Variants in MPZL3 observed in about 807,000 individuals in gnomAD.
MPZL3 encodes the protein myelin protein zero like 3.
In MPZL3, 23 loss-of-function variants were observed where a neutral mutation model predicts 24.8. That is an observed-to-expected ratio of 0.93 (90% CI 0.67 to 1.31). MPZL3 has a LOEUF of 1.31. Ranked by LOEUF, MPZL3 falls within the 40% of genes most tolerant of loss-of-function variation. MPZL3 has a pLI of 0.00. For synonymous variants in MPZL3, 99 were observed against 106.5 expected (o/e 0.93, Z 0.44); for missense variants, 277 against 294.9 (o/e 0.94, Z 0.44).
At chr11:118,247,469 G>A (rs998129166) in intron 1 of MPZL3, among the ~76,000 whole-genome samples, 10 of 152,282 alleles carry the variant, frequency 6.6e-5, no homozygotes, top group African/African-American at 2.2e-4. Context: ...AGTCCCTAAT[G>A]CTGACATAGG....
At chr11:118,236,666 G>C (rs1410887447) in intron 3 of MPZL3, among the ~76,000 whole-genome samples, 1 of 152,112 alleles carries the variant, frequency 6.6e-6, no homozygotes, top group African/African-American at 2.4e-5. Flanking sequence ...TCAAGACACA[G>C]GCAAGAACAC....
intron 1 of MPZL3, among the ~76,000 whole-genome samples, chr11:118,243,350 A>G (rs1481798790): frequency 6.6e-6 from 1 of 152,210 alleles, no homozygotes; most frequent in Non-Finnish European, 1.5e-5. Context: ...GCCCAGGCAC[A>G]CACATTCCTG....
rs764778824 is a variant in MPZL3, at chr11:118,238,303, T to G, written c.241-1043A>C. 1.1e-3 allele frequency among the ~76,000 whole-genome samples: 166 copies of G among 152,194 alleles called. 1 individual carries two copies. Among genetic ancestry groups the G allele is most frequent in the Non-Finnish European group, 1.6e-3 (109 of 68,036 alleles). On this transcript the variant is annotated intron_variant, in intron 2 of 5. Transcript: ENST00000278949. ...TCAGCCTCTCTCAAGTTATCTATCT[T>G]GACAATTAATATAATCCCTAAGTCT...
chr11:118,234,433 A>T (rs1347647914), intron 4 of MPZL3, among the ~76,000 whole-genome samples: 1 of 152,152 alleles, frequency 6.6e-6, no homozygotes, highest in African/African-American at 2.4e-5. Context: ...GGCAAACAAG[A>T]GAAGGAAAGA....
At chr11:118,238,646 G>A (rs995324408) in intron 2 of MPZL3, among the ~76,000 whole-genome samples, 4 of 152,196 alleles carry the variant, frequency 2.6e-5, no homozygotes, top group African/African-American at 9.7e-5. Context: ...CAGAAAAGAT[G>A]CTGACTCACT....
chr11:118,233,480 C>T lies in MPZL3; in HGVS notation c.661G>A (p.Val221Ile). 1 of 1,613,874 alleles carries T rather than the reference C, an allele frequency of 6.2e-7. No homozygotes were observed. Among genetic ancestry groups the T allele is most frequent in the Non-Finnish European group, 8.5e-7 (1 of 1,179,886 alleles). The change falls in exon 5 of 6, where the codon GTC becomes ATC. Residue 221 changes from valine (V) to isoleucine (I), a missense_variant. Transcript: ENST00000278949. Reference protein sequence around the residue: ...EEEACMARLCVRCAECLDSDY... With the variant: ...EEEACMARLCIRCAECLDSDY... ...CTTACCAGGCACTCAGCGCAACGGACACAAAGCCTCGCCATACACGCCTCT... is the reference window on the plus strand; with the variant it reads ...CTTACCAGGCACTCAGCGCAACGGATACAAAGCCTCGCCATACACGCCTCT...
intron 1 of MPZL3, among the ~76,000 whole-genome samples, chr11:118,245,196 C>T (rs1019654861): frequency 6.6e-6 from 1 of 151,864 alleles, no homozygotes. Context: ...GTCAGGAGTT[C>T]GAGACCAGCC....
intron 2 of MPZL3, among the ~76,000 whole-genome samples, chr11:118,237,956 G>C (rs1254922176): frequency 6.6e-6 from 1 of 152,072 alleles, no homozygotes. Context: ...GGCCAACATA[G>C]TGAAACCCCA....
At chr11:118,240,034 G>T (rs1949472952) in intron 2 of MPZL3, among the ~76,000 whole-genome samples, 177 bp downstream of exon 2, 1 of 152,102 alleles carries the variant, frequency 6.6e-6, no homozygotes, top group South Asian at 2.1e-4. Context: ...GAATTCTTAC[G>T]TGGGGCCCTG....
rs1179674517 is a variant in MPZL3, at chr11:118,235,452, T to G, written c.589A>C (p.Lys197Gln). 6.2e-7 allele frequency: 1 copy of G among 1,613,740 alleles called. No individual in the cohort carries two copies. The highest frequency in any genetic ancestry group is 8.5e-7 in the Non-Finnish European group (1 of 1,179,878). Residue 197 changes from lysine (K) to glutamine (Q), a missense_variant, in exon 4 of 6, where the codon AAG becomes CAG. Coordinates refer to ENST00000278949, the MANE Select transcript of MPZL3 (RefSeq NM_198275.3). ...GLKKRSRSGY[K>Q]KSSIEVSDDT... ...TCGGAAACCTCAATAGATGACTTCT[T>G]ATAGCCAGACCTGCTCCTCTTCTTC... is the stretch of plus-strand genomic sequence containing the variant.
At chr11:118,237,770 C>T (rs1949445546) in intron 2 of MPZL3, among the ~76,000 whole-genome samples, 1 of 152,032 alleles carries the variant, frequency 6.6e-6, no homozygotes, top group South Asian at 2.1e-4. Context: ...AAATAATTTC[C>T]ACACATTTAC....
At chr11:118,248,068 CTCT>C (rs1433817694) in intron 1 of MPZL3, among the ~76,000 whole-genome samples, 1 of 104,052 alleles carries the variant, frequency 9.6e-6, no homozygotes, top group Admixed American at 1.0e-4. Context: ...CAACAGTTTC[CTCT>C]TTTTTTTTTT....
At chr11:118,248,292 G>A (rs2134717432) in intron 1 of MPZL3, among the ~76,000 whole-genome samples, 2 of 152,110 alleles carry the variant, frequency 1.3e-5, no homozygotes, top group Admixed American at 1.3e-4. Context: ...GGGATTACAG[G>A]CGTGAGCCAC....
Position 118,240,234 on chromosome 11 carries a change from G to C in MPZL3, c.217C>G (p.Pro73Ala). The stretch of plus-strand genomic sequence containing the variant: ...ACTGATACTGTGTGGCTGCTGCTGG[G>C]AGGGCGATATGTCCAGTCTATAGTA... The part of the protein sequence containing the change: ...KLTIDWTYRP[P>A]SSSHTVSIFH... The change falls in exon 2 of 6, where the codon CCC becomes GCC. Residue 73 changes from proline to alanine, a missense_variant. By Grantham distance (27) the Pro-to-Ala change is conservative. Transcript: ENST00000278949. 6.4e-7 allele frequency: 1 copy of C among 1,569,242 alleles called. No homozygotes were observed. Among genetic ancestry groups the C allele is most frequent in the African/African-American group, 1.4e-5 (1 of 71,906 alleles).
At chr11:118,247,648 GT>G (rs959707823) in intron 1 of MPZL3, among the ~76,000 whole-genome samples, 1 of 151,290 alleles carries the variant, frequency 6.6e-6, no homozygotes, top group Non-Finnish European at 1.5e-5. Context: ...TTTATTTTTT[GT>G]TTTTTTTGAG....
Position 118,239,140 on chromosome 11 carries a change from C to T in MPZL3, c.240+1071G>A, listed in dbSNP as rs192680042. On this transcript the variant is annotated intron_variant, in intron 2 of 5. Coordinates refer to ENST00000278949, the MANE Select transcript of MPZL3 (RefSeq NM_198275.3). ...CTAGGAGAGAGCTGCTGTTTCTGAC[C>T]CAGGAAGCTCCCCATTGCTTGCTCT... Among the ~76,000 whole-genome samples, 9 of 152,254 alleles carry T rather than the reference C, an allele frequency of 5.9e-5. No individual in the cohort carries two copies. In the East Asian group the frequency reaches 1.7e-3, roughly 29 times the overall value.
intron 2 of MPZL3, 66 bp from the exon 3 acceptor site, chr11:118,237,326 T>C (rs1949439458): frequency 5.6e-6 from 8 of 1,423,698 alleles, no homozygotes; most frequent in Non-Finnish European, 7.9e-6. Context: ...TAAAGCTCAG[T>C]AGGTCCAAAA....
intron 1 of MPZL3, among the ~76,000 whole-genome samples, chr11:118,249,040 T>G (rs1949589299): frequency 1.4e-5 from 1 of 71,204 alleles, no homozygotes; most frequent in Non-Finnish European, 2.6e-5. Flanking sequence ...TTTCGGTTTG[T>G]TTTTTGTTTG....
rs147739790 is a variant in MPZL3 at position 118,246,856 on chromosome 11, G to A, written c.73+5366C>T. The stretch of plus-strand genomic sequence containing the variant: ...CCATCTCAACCTCTCAAAGTGCTGG[G>A]ATTACAGGCGTGAGCCACCATGCTT... On this transcript the variant is annotated intron_variant, in intron 1 of 5. Coordinates refer to ENST00000278949, the MANE Select transcript of MPZL3 (RefSeq NM_198275.3). 4.6e-3 allele frequency among the ~76,000 whole-genome samples: 695 copies of A among 152,230 alleles called. 1 individual carries two copies. Among genetic ancestry groups the A allele is most frequent in the Middle Eastern group, 0.01 (3 of 294 alleles).
Sources: gnomAD v4.1 joint callset for allele counts (sites outside exome capture counted in the v4.1 genomes callset) on GRCh38, gnomAD v4.1.1 for gene constraint, MANE v1.5 for transcripts, NCBI Gene and HGNC (gene_info 2026-07-23, HGNC 2026-07-21) for gene names.